The following MPZL1 variants were observed in gnomAD, a reference collection of about 807,000 sequenced individuals.
MPZL1 encodes myelin protein zero like 1, also known as myelin protein zero-like protein 1.
In MPZL1, 16 loss-of-function variants were observed where a neutral mutation model predicts 29.3. The ratio of observed to expected loss-of-function variants is 0.55; its 90% confidence interval spans 0.37 to 0.83. MPZL1 has a LOEUF of 0.83. Ranked by LOEUF, MPZL1 falls within the 40% of genes least tolerant of loss-of-function variation. The pLI is 0.00. For missense variants in MPZL1, 279 were observed against 332.9 expected, an observed-to-expected ratio of 0.84 and a Z score of 1.26; for synonymous variants, 143 against 132.0, an observed-to-expected ratio of 1.08 and a Z score of -0.57.
intron 1 of MPZL1, among the ~76,000 whole-genome samples, chr1:167,736,070 A>G (rs1660371770): frequency 6.6e-6 from 1 of 152,130 alleles, no homozygotes; most frequent in Non-Finnish European, 1.5e-5. Flanking sequence ...TTTTCTTTCC[A>G]GACCTTTTTG....
At chr1:167,761,141 A>G (rs556366990) in intron 1 of MPZL1, among the ~76,000 whole-genome samples, 1 of 152,314 alleles carries the variant, frequency 6.6e-6, no homozygotes, top group African/African-American at 2.4e-5. Flanking sequence ...CCAAGAGAAC[A>G]GAAGAGGAGA....
At chr1:167,726,615 A>T (rs1017039553) in intron 1 of MPZL1, among the ~76,000 whole-genome samples, 1 of 152,218 alleles carries the variant, frequency 6.6e-6, no homozygotes, top group Non-Finnish European at 1.5e-5. Flanking sequence ...GTGTGATTTC[A>T]TGCACTGCTT....
At chr1:167,725,764 C>T (rs890369670) in intron 1 of MPZL1, among the ~76,000 whole-genome samples, 2 of 152,172 alleles carry the variant, frequency 1.3e-5, no homozygotes, top group Non-Finnish European at 2.9e-5. Flanking sequence ...GGATTACAGG[C>T]GTGAGCCACC....
At chr1:167,765,413 T>C (rs907509016) in intron 1 of MPZL1, 170 bp from the exon 2 acceptor site, 4 of 483,036 alleles carry the variant, frequency 8.3e-6, no homozygotes, top group Non-Finnish European at 1.5e-5. Flanking sequence ...CTGTTTATAG[T>C]GCTATTCTGA....
chr1:167,779,846 C>T (rs956368172), intron 5 of MPZL1, among the ~76,000 whole-genome samples: 2 of 152,044 alleles, frequency 1.3e-5, no homozygotes, highest in African/African-American at 2.4e-5. Context: ...GCTCTATCTC[C>T]GAATGGCAAT....
At chr1:167,773,602 G>A in intron 4 of MPZL1, 1 of 425,928 alleles carries the variant, frequency 2.3e-6, no homozygotes, top group East Asian at 4.3e-5. Flanking sequence ...CTTAGGTTTG[G>A]TGAGATGAGC....
chr1:167,753,980 T>TA (rs1219868373), intron 1 of MPZL1, among the ~76,000 whole-genome samples: 1 of 151,120 alleles, frequency 6.6e-6, no homozygotes, highest in Admixed American at 6.6e-5. Flanking sequence ...CTCTCTTCAT[T>TA]AGATTCTAGC....
intron 1 of MPZL1, among the ~76,000 whole-genome samples, chr1:167,722,512 G>A (rs752833035): frequency 1.7e-4 from 25 of 151,400 alleles, no homozygotes; most frequent in Non-Finnish European, 2.6e-4. Context: ...GCTCCTTCCC[G>A]GGGGGCGGTC....
chr1:167,736,499 T>G (rs1035955388), intron 1 of MPZL1, among the ~76,000 whole-genome samples: 8 of 152,144 alleles, frequency 5.3e-5, no homozygotes, highest in African/African-American at 1.7e-4. Flanking sequence ...CTCCTCAAAC[T>G]GTGCTTCCTC....
At chr1:167,765,861 A>T in intron 2 of MPZL1, 112 bp downstream of exon 2, 1 of 1,085,342 alleles carries the variant, frequency 9.2e-7, no homozygotes, top group Non-Finnish European at 1.3e-6. Flanking sequence ...TGTATTTTTT[A>T]TCTGTTATAG....
At chr1:167,780,932 A>G (rs777721604) in intron 5 of MPZL1, among the ~76,000 whole-genome samples, 18 of 152,216 alleles carry the variant, frequency 1.2e-4, no homozygotes, top group Non-Finnish European at 2.4e-4. Context: ...ATGATATGCT[A>G]CATTAACACT....
intron 1 of MPZL1, among the ~76,000 whole-genome samples, chr1:167,750,091 G>T (rs556224526): frequency 1.4e-4 from 21 of 152,314 alleles, no homozygotes; most frequent in Non-Finnish European, 2.8e-4. Context: ...TTCTTTTGCA[G>T]TTTTATTTTG....
At chr1:167,725,320 C>T (rs904419288) in intron 1 of MPZL1, among the ~76,000 whole-genome samples, 5 of 152,094 alleles carry the variant, frequency 3.3e-5, no homozygotes, top group South Asian at 4.1e-4. Flanking sequence ...TGCTCTGTCT[C>T]GCCCAGGCTG....
intron 4 of MPZL1, chr1:167,774,912 T>C (rs2101792311): frequency 6.6e-6 from 1 of 152,362 alleles, no homozygotes; most frequent in African/African-American, 2.4e-5. Context: ...CTCTCCCTTG[T>C]TGATGACTAA....
intron 1 of MPZL1, among the ~76,000 whole-genome samples, chr1:167,764,260 A>G (rs1661062082): frequency 6.6e-6 from 1 of 152,184 alleles, no homozygotes; most frequent in African/African-American, 2.4e-5. Flanking sequence ...AGCAATCTTT[A>G]AGAATTTGGC....
intron 1 of MPZL1, among the ~76,000 whole-genome samples, chr1:167,723,595 A>T (rs890541875): frequency 6.6e-6 from 1 of 152,364 alleles, no homozygotes; most frequent in Non-Finnish European, 1.5e-5. Flanking sequence ...CAGAATTGTT[A>T]TGCATGAGAG....
intron 1 of MPZL1, among the ~76,000 whole-genome samples, chr1:167,739,231 C>T (rs1214754163): frequency 1.4e-5 from 2 of 147,490 alleles, no homozygotes; most frequent in African/African-American, 5.1e-5. Flanking sequence ...GTGTGAACCA[C>T]TGCACCCAGC....
intron 2 of MPZL1, among the ~76,000 whole-genome samples, chr1:167,770,976 G>A (rs148414356): frequency 5.6e-4 from 84 of 149,108 alleles, no homozygotes; most frequent in African/African-American, 1.8e-3. Flanking sequence ...TCCATAACTT[G>A]TGATTTGTAA....
At chr1:167,780,459 A>G (rs1466656561) in intron 5 of MPZL1, among the ~76,000 whole-genome samples, 3 of 152,242 alleles carry the variant, frequency 2.0e-5, no homozygotes, top group Admixed American at 2.0e-4. Flanking sequence ...TCATAGCAGT[A>G]TTATTCACAA....
Sources: gnomAD v4.1 joint callset for allele counts (sites outside exome capture counted in the v4.1 genomes callset) on GRCh38, gnomAD v4.1.1 for gene constraint, MANE v1.5 for transcripts, NCBI Gene and HGNC (gene_info 2026-07-23, HGNC 2026-07-21) for gene names.